TBCE: variants seen among roughly 807,000 people sequenced by gnomAD.
TBCE encodes tubulin folding cofactor E.
A neutral mutation model predicts 77.0 loss-of-function variants in TBCE; 53 were observed. The ratio of observed to expected loss-of-function variants is 0.69; its 90% CI spans 0.55 to 0.87. The LOEUF is 0.87. TBCE is among the 40% of genes least tolerant of loss of function. TBCE has a pLI of 0.00. For missense variants in TBCE, 624 were observed against 622.4 expected, an observed-to-expected ratio of 1.00 and a Z score of -0.03; for synonymous variants, 235 against 241.3, an observed-to-expected ratio of 0.97 and a Z score of 0.24.
At chr1:235,420,819 T>A (rs1218805911) in intron 5 of TBCE, among the ~76,000 whole-genome samples, 1 of 152,036 alleles carries the variant, frequency 6.6e-6, no homozygotes, top group Non-Finnish European at 1.5e-5. Context: ...AGAGATGGGG[T>A]TTCGCCACAT....
rs186035157 is a variant in TBCE at position 235,404,034 on chromosome 1, T to G, written c.185+2447T>G. Among the ~76,000 whole-genome samples, 16 of 152,284 alleles carry G rather than the reference T, an allele frequency of 1.1e-4. No homozygotes were observed. In the East Asian group the frequency reaches 3.1e-3, roughly 29 times the overall value. ...TGGCTCACGCCTGTAATCCCAGCACTTTGGGAGGCCAAGGCAGGCGGATCA... is the reference window on the plus strand; with the variant it reads ...TGGCTCACGCCTGTAATCCCAGCACGTTGGGAGGCCAAGGCAGGCGGATCA... On this transcript the variant is annotated intron_variant, in intron 3 of 16. Transcript: ENST00000642610.
At chr1:235,371,531 T>C (rs947489544) in intron 1 of TBCE, among the ~76,000 whole-genome samples, 15 of 150,750 alleles carry the variant, frequency 1.0e-4, no homozygotes, top group Non-Finnish European at 1.0e-4. Flanking sequence ...TGTGCCACCA[T>C]AGCCTGGCTA....
chr1:235,392,115 A>T (rs543444635), intron 2 of TBCE, among the ~76,000 whole-genome samples: 1 of 152,134 alleles, frequency 6.6e-6, no homozygotes, highest in East Asian at 1.9e-4. Flanking sequence ...TGAGCTCAGG[A>T]GTTTGAGACC....
intron 2 of TBCE, among the ~76,000 whole-genome samples, chr1:235,383,011 T>A (rs1172617143): frequency 2.2e-4 from 32 of 144,344 alleles, no homozygotes; most frequent in Middle Eastern, 3.6e-3. Flanking sequence ...AAGGAAGGGA[T>A]CCAGTTTCAG....
At chr1:235,379,375 A>G (rs754156765) in intron 1 of TBCE, among the ~76,000 whole-genome samples, 13 of 152,058 alleles carry the variant, frequency 8.5e-5, no homozygotes, top group African/African-American at 1.2e-4. Context: ...TAAAAATACA[A>G]AACAATTAAA....
chr1:235,396,569 T>G (rs1297679538), intron 2 of TBCE, among the ~76,000 whole-genome samples: 1 of 152,240 alleles, frequency 6.6e-6, no homozygotes, highest in Admixed American at 6.5e-5. Context: ...ATCTCCAAAC[T>G]GTTCTCCATA....
In TBCE at chr1:235,438,809, G is replaced by C; in HGVS notation, c.1157G>C (p.Arg386Pro). ...EERRRAELDY[R>P]KAFGNEWKQA... ...AGGCGGAGAGCTGAGCTTGACTACC[G>C]AAAAGCTTTTGGAAATGAGTGGAAA... Residue 386 changes from arginine to proline, a missense_variant, in exon 13 of 17, where the codon CGA (arginine) becomes CCA (proline). Transcript: ENST00000642610. The C allele has an allele frequency of 6.2e-7, 1 of 1,614,056 alleles. No individual in the cohort carries two copies. The highest frequency in any genetic ancestry group is 8.5e-7 in the Non-Finnish European group (1 of 1,180,008).
chr1:235,434,242 AC>A lies in TBCE; in HGVS notation c.700del (p.Leu234SerfsTer24). 6.2e-7 allele frequency: 1 copy of A among 1,614,102 alleles called. No individual in the cohort carries two copies. Among genetic ancestry groups the A allele is most frequent in the Non-Finnish European group, 8.5e-7 (1 of 1,180,026 alleles). On this transcript the variant is annotated frameshift_variant, in exon 8 of 17. Coordinates refer to ENST00000642610, the MANE Select transcript of TBCE (RefSeq NM_003193.5). LOFTEE classifies it high-confidence loss of function. ...TCGCGGGGTGCCCAGGCCTGGAGGA[AC>A]TCTACCTTGAGTCTAACAACATTTT... ...CVAGCPGLEE[L>X]YLESNNIFIS...
chr1:235,428,045 C>T (rs1371514617), intron 6 of TBCE, among the ~76,000 whole-genome samples: 1 of 150,708 alleles, frequency 6.6e-6, no homozygotes, highest in Non-Finnish European at 1.5e-5. Flanking sequence ...CAAACAAGGG[C>T]CAGGCGCAGT....
chr1:235,385,749 G>A (rs1328833383), intron 2 of TBCE, among the ~76,000 whole-genome samples: 1 of 152,142 alleles, frequency 6.6e-6, no homozygotes, highest in African/African-American at 2.4e-5. Flanking sequence ...ACAGCACACT[G>A]ATGGGTCTTG....
intron 15 of TBCE, among the ~76,000 whole-genome samples, chr1:235,445,187 A>G (rs1470803072): frequency 6.6e-6 from 1 of 152,272 alleles, no homozygotes. Context: ...AGCAGATTAC[A>G]AGGGTTCCTT....
chr1:235,429,720 C>T (rs369825303), intron 6 of TBCE: 20 of 121,928 alleles, frequency 1.6e-4, no homozygotes, highest in African/African-American at 5.8e-4. Context: ...CAGGCTTCCT[C>T]CATTTTTTTT....
At chr1:235,400,261 A>G (rs1344496984) in intron 2 of TBCE, among the ~76,000 whole-genome samples, 3 of 151,902 alleles carry the variant, frequency 2.0e-5, no homozygotes, top group Non-Finnish European at 4.4e-5. Flanking sequence ...GTATTACTTT[A>G]ACTTCACCCA....
In TBCE at chr1:235,421,223, A is replaced by G. The variant is rs1006702448; in HGVS notation, c.460+1662A>G. ...ACTGTTTGAGACCAGCCTTGGCAAC[A>G]TTGCCAGACCTTGTCTCTATAAAAA... is the stretch of plus-strand genomic sequence containing the variant. On this transcript the variant is annotated intron_variant, in intron 5 of 16. Transcript: ENST00000642610. Among the ~76,000 whole-genome samples, 27 of 151,994 alleles carry G rather than the reference A, an allele frequency of 1.8e-4. 1 individual carries two copies. The highest frequency in any genetic ancestry group is 1.6e-3 in the Admixed American group (25 of 15,242).
In TBCE at chr1:235,448,335, T is replaced by C. The variant is rs150827657; in HGVS notation, c.1400-14T>C. On this transcript the variant is annotated splice_polypyrimidine_tract_variant and intron_variant, in intron 15 of 16. Coordinates refer to ENST00000642610, the MANE Select transcript of TBCE (RefSeq NM_003193.5). ...ATTTGAGAGAACGAATGGACTTTTCTTGTCTTTTGATAGGCTCCATGACAA... is the reference window on the plus strand; with the variant it reads ...ATTTGAGAGAACGAATGGACTTTTCCTGTCTTTTGATAGGCTCCATGACAA... The C allele has an allele frequency of 2.1e-3, 3,384 of 1,613,370 alleles. 18 individuals carry two copies. The highest frequency in any genetic ancestry group is 1.6e-3 in the Non-Finnish European group (1,832 of 1,179,288).
chr1:235,382,136 A>G (rs562780380), intron 2 of TBCE, among the ~76,000 whole-genome samples: 1 of 151,422 alleles, frequency 6.6e-6, no homozygotes, highest in Non-Finnish European at 1.5e-5. Flanking sequence ...CCTATAAAGG[A>G]CATGAACTCA....
intron 4 of TBCE, among the ~76,000 whole-genome samples, chr1:235,417,974 G>A (rs146424381): frequency 5.9e-5 from 9 of 152,152 alleles, no homozygotes; most frequent in African/African-American, 1.7e-4. Flanking sequence ...TAGAGACAGG[G>A]TTTCACCATG....
At chr1:235,437,549 C>T (rs1427936079) in intron 12 of TBCE, 75 bp downstream of exon 12, 3 of 1,550,544 alleles carry the variant, frequency 1.9e-6, no homozygotes, top group African/African-American at 1.4e-5. Flanking sequence ...CCGTGGCTCA[C>T]ACCTGTAATC....
At chr1:235,425,475 G>A (rs1229798124) in intron 5 of TBCE, among the ~76,000 whole-genome samples, 3 of 152,072 alleles carry the variant, frequency 2.0e-5, no homozygotes, top group Non-Finnish European at 4.4e-5. Flanking sequence ...GACTTTTACT[G>A]GATTTTTTTG....
Sources: gnomAD v4.1 joint callset for allele counts (sites outside exome capture counted in the v4.1 genomes callset) on GRCh38, gnomAD v4.1.1 for gene constraint, MANE v1.5 for transcripts, NCBI Gene and HGNC (gene_info 2026-07-23, HGNC 2026-07-21) for gene names.